Variants in MECOM observed in about 807,000 individuals in gnomAD.
MECOM encodes MDS1 and EVI1 complex locus, also known as histone-lysine N-methyltransferase MECOM.
MECOM carries 13 observed loss-of-function variants against 116.3 expected under a neutral mutation model. The observed-to-expected ratio is 0.11, with a 90% CI of 0.07 to 0.18. The LOEUF is 0.18. Ranked by LOEUF, MECOM falls within the 10% of genes least tolerant of loss-of-function variation. The pLI, the probability that MECOM is intolerant of heterozygous loss-of-function variation, is 1.00. For missense variants in MECOM, 1,299 were observed against 1,509.0 expected (o/e 0.86, Z 2.31); for synonymous variants, 528 against 535.2 (o/e 0.99, Z 0.19).
chr3:169,605,567 C>T (rs1177777924), intron 1 of MECOM, among the ~76,000 whole-genome samples: 1 of 152,078 alleles, frequency 6.6e-6, no homozygotes, highest in East Asian at 1.9e-4. Flanking sequence ...TGCTAGACGA[C>T]AAGACTAAGC....
chr3:169,175,087 A>G (rs1744948574), intron 2 of MECOM, among the ~76,000 whole-genome samples: 1 of 152,130 alleles, frequency 6.6e-6, no homozygotes, highest in Non-Finnish European at 1.5e-5. Context: ...TTCTGTTTCT[A>G]GCTCTACAAT....
intron 1 of MECOM, among the ~76,000 whole-genome samples, chr3:169,552,502 A>G (rs1761530398): frequency 6.6e-6 from 1 of 152,190 alleles, no homozygotes; most frequent in Non-Finnish European, 1.5e-5. Context: ...AAAGAGTTAA[A>G]AGAACAACTC....
intron 3 of MECOM, 102 bp downstream of exon 3, chr3:169,143,596 A>G (rs993238048): frequency 8.9e-7 from 1 of 1,119,454 alleles, no homozygotes. Context: ...ATCAACAAAC[A>G]GGCCACAAGG....
At chr3:169,153,776 A>G (rs1741528014) in intron 2 of MECOM, among the ~76,000 whole-genome samples, 1 of 152,174 alleles carries the variant, frequency 6.6e-6, no homozygotes, top group Non-Finnish European at 1.5e-5. Flanking sequence ...CAGTTTCATA[A>G]TATCAGACTA....
At chr3:169,586,185 G>T (rs1411855278) in intron 1 of MECOM, among the ~76,000 whole-genome samples, 1 of 152,190 alleles carries the variant, frequency 6.6e-6, no homozygotes, top group African/African-American at 2.4e-5. Flanking sequence ...AAGTAAAGTA[G>T]GAATGAGAAT....
intron 5 of MECOM, among the ~76,000 whole-genome samples, chr3:169,124,490 T>G (rs1010961270): frequency 6.6e-6 from 1 of 152,116 alleles, no homozygotes; most frequent in African/African-American, 2.4e-5. Flanking sequence ...TATTTTGATC[T>G]TTATTCAAAC....
chr3:169,508,145 G>T (rs1278771172), intron 1 of MECOM, among the ~76,000 whole-genome samples: 1 of 152,132 alleles, frequency 6.6e-6, no homozygotes. Flanking sequence ...GGCGATAAAT[G>T]GATGGTAATT....
In MECOM at chr3:169,257,095, G is replaced by GT. The variant is rs150185355; in HGVS notation, c.376-113264dup. On this transcript the variant is annotated intron_variant, in intron 2 of 16. Coordinates refer to ENST00000651503, the MANE Select transcript of MECOM (RefSeq NM_004991.4). ...CTGTTGGTTTTTCGAAAATACTGTAGTTTTTTAAAAATTCAATTAAAATAA... is the reference window on the plus strand; with the variant it reads ...CTGTTGGTTTTTCGAAAATACTGTAGTTTTTTTAAAAATTCAATTAAAATAA... Among the ~76,000 whole-genome samples the GT allele has an allele frequency of 5.3e-3, 806 of 152,250 alleles. 13 individuals are homozygous for GT. The highest frequency in any genetic ancestry group is 0.019 in the African/African-American group (776 of 41,534).
intron 1 of MECOM, among the ~76,000 whole-genome samples, chr3:169,522,851 T>C (rs555386777): frequency 6.6e-6 from 1 of 152,334 alleles, no homozygotes; most frequent in Admixed American, 6.5e-5. Context: ...TAGTGAATGT[T>C]TTTAGTAATT....
chr3:169,444,277 C>G (rs1002584802), intron 1 of MECOM, among the ~76,000 whole-genome samples: 11 of 152,126 alleles, frequency 7.2e-5, no homozygotes, highest in African/African-American at 2.4e-4. Context: ...TAGACACTCC[C>G]CATCAAATTT....
intron 2 of MECOM, among the ~76,000 whole-genome samples, chr3:169,292,485 C>T (rs1242892898): frequency 6.6e-6 from 1 of 152,170 alleles, no homozygotes; most frequent in Non-Finnish European, 1.5e-5. Flanking sequence ...CTGTGATATT[C>T]TGCTTTCTGA....
chr3:169,505,539 G>A (rs917132087), intron 1 of MECOM, among the ~76,000 whole-genome samples: 26 of 152,176 alleles, frequency 1.7e-4, no homozygotes, highest in Admixed American at 3.9e-4. Context: ...TAGTAATCTT[G>A]TGTGAGTGTG....
intron 1 of MECOM, among the ~76,000 whole-genome samples, chr3:169,523,973 C>T (rs1045305736): frequency 6.8e-6 from 1 of 146,706 alleles, no homozygotes; most frequent in African/African-American, 2.5e-5. Flanking sequence ...CACATATATA[C>T]ACGCACATAC....
rs1369052718 is a variant in MECOM at position 169,263,093 on chromosome 3, A to G, written c.375+118094T>C. 3.4e-4 allele frequency among the ~76,000 whole-genome samples: 19 copies of G among 56,140 alleles called. 1 individual carries two copies. Among genetic ancestry groups the G allele is most frequent in the African/African-American group, 5.5e-4 (4 of 7,322 alleles). 36.8% of individuals were successfully genotyped at this position (56,140 alleles called of 152,430 possible). On this transcript the variant is annotated intron_variant, in intron 2 of 16. Coordinates refer to ENST00000651503, the MANE Select transcript of MECOM (RefSeq NM_004991.4). The stretch of plus-strand genomic sequence containing the variant: ...TTCAAGATGCTATATATATATATAT[A>G]TATATATATATATATATATATATAT...
At chr3:169,393,335 G>A (rs1734525256) in intron 1 of MECOM, among the ~76,000 whole-genome samples, 1 of 152,084 alleles carries the variant, frequency 6.6e-6, no homozygotes, top group Non-Finnish European at 1.5e-5. Context: ...CAGTACTATT[G>A]TCTTCTGGTG....
chr3:169,579,806 G>A (rs147634086), intron 1 of MECOM, among the ~76,000 whole-genome samples: 160 of 152,298 alleles, frequency 1.1e-3, no homozygotes, highest in Non-Finnish European at 1.7e-3. Context: ...ATCCCAACTA[G>A]CTGATCTGCC....
chr3:169,178,798 A>T (rs913493673), intron 2 of MECOM, among the ~76,000 whole-genome samples: 1 of 152,204 alleles, frequency 6.6e-6, no homozygotes, highest in African/African-American at 2.4e-5. Context: ...TGTTTTTCTC[A>T]TAACTCTAAA....
intron 2 of MECOM, among the ~76,000 whole-genome samples, chr3:169,292,174 C>A (rs1363801656): frequency 6.6e-6 from 1 of 151,940 alleles, no homozygotes; most frequent in African/African-American, 2.4e-5. Context: ...GAAACCCTGT[C>A]TCTACTAAAA....
chr3:169,171,441 G>C (rs1392189571), intron 2 of MECOM, among the ~76,000 whole-genome samples: 1 of 152,132 alleles, frequency 6.6e-6, no homozygotes, highest in African/African-American at 2.4e-5. Context: ...TACATAGTAG[G>C]TATCCAATAC....
Sources: allele counts gnomAD v4.1 joint callset (sites outside exome capture counted in the v4.1 genomes callset), GRCh38; gene constraint gnomAD v4.1.1; transcripts MANE v1.5; gene names NCBI Gene and HGNC (gene_info 2026-07-23, HGNC 2026-07-21).